The following KATNIP variants were observed in gnomAD, a reference collection of about 807,000 sequenced individuals.
KATNIP encodes the protein katanin-interacting protein.
A neutral mutation model predicts 174.0 loss-of-function variants in KATNIP; 126 were observed. The ratio of observed to expected loss-of-function variants is 0.72; its 90% CI spans 0.63 to 0.84. KATNIP has a LOEUF of 0.84. Ranked by LOEUF, KATNIP falls within the 40% of genes least tolerant of loss-of-function variation. The probability of loss-of-function intolerance (pLI) is 0.00; values close to 1 mark genes in which losing one functional copy is unlikely to be tolerated. For missense variants in KATNIP, 1,958 were observed against 2,109.7 expected (o/e 0.93, Z 1.41); for synonymous variants, 810 against 835.7 (o/e 0.97, Z 0.53).
intron 18 of KATNIP, among the ~76,000 whole-genome samples, chr16:27,756,660 T>G (rs1288530949): frequency 6.6e-6 from 1 of 152,248 alleles, no homozygotes; most frequent in East Asian, 1.9e-4. Flanking sequence ...CAGCCATCGT[T>G]TTTTATTCAA....
chr16:27,669,651 G>GA (rs2077820979), intron 6 of KATNIP, among the ~76,000 whole-genome samples: 2 of 152,142 alleles, frequency 1.3e-5, no homozygotes, highest in African/African-American at 4.8e-5. Flanking sequence ...TTCCTCCAGG[G>GA]AATGTTGCTC....
chr16:27,709,830 A>G (rs2143001600), intron 13 of KATNIP, among the ~76,000 whole-genome samples: 1 of 151,912 alleles, frequency 6.6e-6, no homozygotes, highest in East Asian at 1.9e-4. Context: ...TTCCACAGTC[A>G]CCATCAAACA....
At chr16:27,594,590 T>G (rs2075280557) in intron 2 of KATNIP, among the ~76,000 whole-genome samples, 1 of 151,934 alleles carries the variant, frequency 6.6e-6, no homozygotes, top group South Asian at 2.1e-4. Context: ...GCAGAGACAC[T>G]GGAGTTCAAT....
intron 4 of KATNIP, among the ~76,000 whole-genome samples, chr16:27,629,596 A>T (rs959287911): frequency 1.3e-5 from 2 of 152,244 alleles, no homozygotes; most frequent in Non-Finnish European, 2.9e-5. Flanking sequence ...AAAATTCCCA[A>T]CCCAGCCTAG....
At chr16:27,704,816 A>G (rs2079233893) in intron 12 of KATNIP, among the ~76,000 whole-genome samples, 1 of 151,590 alleles carries the variant, frequency 6.6e-6, no homozygotes, top group African/African-American at 2.4e-5. Context: ...GAGTGTGTTG[A>G]TGGAGCTAGG....
At chr16:27,673,718 G>C (rs534664365) in intron 6 of KATNIP, among the ~76,000 whole-genome samples, 170 of 152,248 alleles carry the variant, frequency 1.1e-3, no homozygotes, top group African/African-American at 4.0e-3. Flanking sequence ...GGAGTTGGGT[G>C]GGGGGACAAA....
intron 2 of KATNIP, among the ~76,000 whole-genome samples, chr16:27,610,288 G>A (rs922742937): frequency 6.6e-6 from 1 of 152,092 alleles, no homozygotes; most frequent in Non-Finnish European, 1.5e-5. Flanking sequence ...AGGGAGAAAT[G>A]GTCAGATTTT....
At chr16:27,774,718 TTC>T (rs2082430542) in intron 23 of KATNIP, among the ~76,000 whole-genome samples, 1 of 152,160 alleles carries the variant, frequency 6.6e-6, no homozygotes, top group Admixed American at 6.5e-5. Context: ...TGTGGTTTCC[TTC>T]TCTCTCTACT....
In KATNIP at chr16:27,631,172, C is replaced by T; in HGVS notation, c.408+10C>T. On this transcript the variant is annotated intron_variant, in intron 5 of 27. Transcript: ENST00000261588. ...CCGAGGATGGCACCAGGTCTGGAGA[C>T]TGTGGCCCCAGCCCACGCTTTAGAA... The T allele has an allele frequency of 2.6e-6, 4 of 1,552,672 alleles. No individual in the cohort carries two copies. The highest frequency in any genetic ancestry group is 3.5e-6 in the Non-Finnish European group (4 of 1,144,776).
intron 2 of KATNIP, among the ~76,000 whole-genome samples, chr16:27,575,108 C>T (rs768439195): frequency 1.3e-5 from 2 of 152,162 alleles, no homozygotes; most frequent in Non-Finnish European, 2.9e-5. Context: ...ACAATAGTTA[C>T]AATACAGTGT....
At chr16:27,623,946 AC>A (rs2076263098) in intron 3 of KATNIP, among the ~76,000 whole-genome samples, 2 of 151,562 alleles carry the variant, frequency 1.3e-5, no homozygotes, top group Non-Finnish European at 2.9e-5. Flanking sequence ...AGCTTGCATG[AC>A]CTTGAGCAAG....
At chr16:27,558,073 G>A (rs2089703327) in intron 1 of KATNIP, among the ~76,000 whole-genome samples, 1 of 152,200 alleles carries the variant, frequency 6.6e-6, no homozygotes, top group South Asian at 2.1e-4. Context: ...TTCTACTTTA[G>A]TATTAACTTG....
intron 3 of KATNIP, among the ~76,000 whole-genome samples, chr16:27,625,280 G>A (rs1380514149): frequency 6.6e-6 from 1 of 152,052 alleles, no homozygotes; most frequent in African/African-American, 2.4e-5. Flanking sequence ...CCTAAGGAGG[G>A]GCACCCGTGG....
intron 15 of KATNIP, 102 bp from the exon 16 acceptor site, chr16:27,749,482 C>T (rs2081412230): frequency 1.5e-6 from 2 of 1,377,914 alleles, no homozygotes; most frequent in Non-Finnish European, 1.9e-6. Flanking sequence ...CTGGAGGTGG[C>T]CCTGCCTCAC....
intron 13 of KATNIP, among the ~76,000 whole-genome samples, chr16:27,713,842 A>ATATATATC (rs2079792475): frequency 1.4e-5 from 1 of 71,064 alleles, no homozygotes; most frequent in African/African-American, 5.6e-5. Context: ...ATATATATAT[A>ATATATATC]TATATATATA....
At chr16:27,554,639 G>A (rs1441202689) in intron 1 of KATNIP, among the ~76,000 whole-genome samples, 1 of 152,032 alleles carries the variant, frequency 6.6e-6, no homozygotes, top group East Asian at 1.9e-4. Flanking sequence ...GCAGTCTTAG[G>A]ACGTTATTGT....
At chr16:27,685,742 A>T (rs2078500038) in intron 8 of KATNIP, among the ~76,000 whole-genome samples, 1 of 152,188 alleles carries the variant, frequency 6.6e-6, no homozygotes, top group Non-Finnish European at 1.5e-5. Context: ...ACATAAGTCA[A>T]ATTTGAAGAA....
intron 6 of KATNIP, among the ~76,000 whole-genome samples, chr16:27,675,244 G>C (rs1168149876): frequency 6.6e-6 from 1 of 152,206 alleles, no homozygotes. Context: ...AGGCAAGAGA[G>C]CTTGTGCAGG....
At chr16:27,552,377 CTTTTTTTT>C (rs1167836198) in intron 1 of KATNIP, among the ~76,000 whole-genome samples, 1 of 135,082 alleles carries the variant, frequency 7.4e-6, no homozygotes, top group African/African-American at 2.7e-5. Context: ...TTTCTTTTTT[CTTTTTTTT>C]TTTTTTTTTG....
Sources: allele counts gnomAD v4.1 joint callset (sites outside exome capture counted in the v4.1 genomes callset), GRCh38; gene constraint gnomAD v4.1.1; transcripts MANE v1.5; gene names NCBI Gene and HGNC (gene_info 2026-07-23, HGNC 2026-07-21).